The following PKHD1 variants were observed in gnomAD, a reference collection of about 807,000 sequenced individuals.
PKHD1 encodes PKHD1 ciliary IPT domain containing fibrocystin/polyductin, also known as fibrocystin.
In PKHD1, 291 loss-of-function variants were observed where a neutral mutation model predicts 412.0. That is an observed-to-expected ratio of 0.71 (90% CI 0.64 to 0.78). The LOEUF (loss-of-function observed/expected upper bound fraction) is 0.78, where lower values mean the gene tolerates loss of function less well. Among genes scored for constraint, PKHD1 ranks in the 30% least tolerant of loss-of-function variants. PKHD1 has a pLI of 0.00. For missense variants in PKHD1, 4,825 were observed against 4,950.7 expected (o/e 0.97, Z 0.76); for synonymous variants, 1,777 against 1,821.5 (o/e 0.98, Z 0.62).
At chr6:51,896,444 G>A (rs1191510975) in intron 43 of PKHD1, among the ~76,000 whole-genome samples, 1 of 152,154 alleles carries the variant, frequency 6.6e-6, no homozygotes, top group Non-Finnish European at 1.5e-5. Flanking sequence ...CAGACCTGCA[G>A]CTGAGGGTCC....
At position 51,659,505 on chromosome 6, in the gene PKHD1, T is replaced by A; in HGVS notation, c.10621A>T (p.Asn3541Tyr). The change falls in exon 61 of 67, where the codon AAC becomes TAC. Residue 3541 changes from asparagine (N) to tyrosine (Y), a missense_variant. Asn to Tyr is a moderately radical substitution (Grantham distance 143, BLOSUM62 -2). Coordinates refer to ENST00000371117, the MANE Select transcript of PKHD1 (RefSeq NM_138694.4). Reference sequence around the variant, plus strand: ...CCTTGTAGGACAACATACAAGAGGTTATCCATGATGTTGAAATAGTTGGCA... The same window carrying A: ...CCTTGTAGGACAACATACAAGAGGTAATCCATGATGTTGAAATAGTTGGCA... ...IGANYFNIMD[N>Y]LLYVVLQGEE... 1 of 1,613,624 alleles carries A rather than the reference T, an allele frequency of 6.2e-7. No individual in the cohort carries two copies. Among genetic ancestry groups the A allele is most frequent in the Non-Finnish European group, 8.5e-7 (1 of 1,179,750 alleles).
intron 27 of PKHD1, among the ~76,000 whole-genome samples, chr6:52,041,734 C>T (rs1804918405): frequency 6.6e-6 from 1 of 152,236 alleles, no homozygotes; most frequent in Non-Finnish European, 1.5e-5. Context: ...GATAGGGTAA[C>T]CAACTCACTC....
At chr6:51,650,738 GC>G (rs1770815322) in intron 61 of PKHD1, among the ~76,000 whole-genome samples, 1 of 152,070 alleles carries the variant, frequency 6.6e-6, no homozygotes, top group African/African-American at 2.4e-5. Flanking sequence ...GTCCTAAGAA[GC>G]TCTTTAGTCA....
At chr6:51,840,668 C>A (rs917797292) in intron 50 of PKHD1, among the ~76,000 whole-genome samples, 3 of 152,148 alleles carry the variant, frequency 2.0e-5, no homozygotes, top group East Asian at 3.8e-4. Flanking sequence ...GGCAAAAAAA[C>A]ACAAATGTAA....
At chr6:51,951,358 A>G (rs1790342881) in intron 36 of PKHD1, among the ~76,000 whole-genome samples, 2 of 152,156 alleles carry the variant, frequency 1.3e-5, no homozygotes, top group South Asian at 4.1e-4. Flanking sequence ...CTTTTTCCCG[A>G]GGTCTGTACC....
At position 51,903,581 on chromosome 6, in the gene PKHD1, G is replaced by C. The variant is rs757920652; in HGVS notation, c.6996+16C>G. On this transcript the variant is annotated intron_variant, in intron 43 of 66. Transcript: ENST00000371117. Reference sequence around the variant, plus strand: ...CCTCTCAGTTCTGGTCTTCCTGGTAGAGCTGAACATCTTACCTCTATAACA... The same window carrying C: ...CCTCTCAGTTCTGGTCTTCCTGGTACAGCTGAACATCTTACCTCTATAACA... 2 of 1,607,208 alleles carry C rather than the reference G, an allele frequency of 1.2e-6. No homozygotes were observed. Among genetic ancestry groups the C allele is most frequent in the Admixed American group, 1.7e-5 (1 of 59,874 alleles).
intron 36 of PKHD1, among the ~76,000 whole-genome samples, chr6:51,935,646 C>G (rs890475713): frequency 6.6e-5 from 10 of 152,156 alleles, no homozygotes; most frequent in Admixed American, 5.2e-4. Flanking sequence ...AAAGGTCCCT[C>G]ATGATTTGCT....
At chr6:51,791,490 T>A in intron 52 of PKHD1, 117 bp from the exon 53 acceptor site, 1 of 865,808 alleles carries the variant, frequency 1.2e-6, no homozygotes, top group Non-Finnish European at 1.9e-6. Context: ...CCAGGACAGG[T>A]ATAGCAACTG....
chr6:52,057,694 C>T (rs1475274595), intron 16 of PKHD1, among the ~76,000 whole-genome samples: 1 of 152,264 alleles, frequency 6.6e-6, no homozygotes, highest in Non-Finnish European at 1.5e-5. Context: ...GGATTACATG[C>T]GTGAGCCACC....
intron 36 of PKHD1, among the ~76,000 whole-genome samples, chr6:51,947,358 C>T (rs1789624203): frequency 6.6e-6 from 1 of 152,174 alleles, no homozygotes; most frequent in Non-Finnish European, 1.5e-5. Context: ...ATATTCTATA[C>T]ATTGTATTGA....
chr6:52,021,439 T>A (rs974489981), intron 33 of PKHD1, among the ~76,000 whole-genome samples: 4 of 152,172 alleles, frequency 2.6e-5, no homozygotes, highest in Admixed American at 6.5e-5. Flanking sequence ...AAAGCTTTTT[T>A]AAAAAATGTA....
chr6:51,659,045 A>T lies in PKHD1; in HGVS notation c.11081T>A (p.Ile3694Asn). 1 of 1,613,054 alleles carries T rather than the reference A, an allele frequency of 6.2e-7. No individual in the cohort carries two copies. Among genetic ancestry groups the T allele is most frequent in the Non-Finnish European group, 8.5e-7 (1 of 1,179,108 alleles). ...TAGTACCCCAGTCTGTTGAGCAGTG[A>T]TGACTCGATGAGCCAAATTCTGTAA... ...NKLQNLAHRVITAQQTGVLEN... is the reference protein window; with the variant it reads ...NKLQNLAHRVNTAQQTGVLEN... The change falls in exon 61 of 67, where the codon ATC becomes AAC. Residue 3694 changes from isoleucine to asparagine, a missense_variant. Transcript: ENST00000371117.
intron 36 of PKHD1, among the ~76,000 whole-genome samples, chr6:51,935,393 CAAT>C (rs1413527384): frequency 2.0e-5 from 3 of 152,110 alleles, no homozygotes; most frequent in African/African-American, 7.2e-5. Flanking sequence ...AGAATTTTCT[CAAT>C]AATGTCAAAA....
rs1173393139 is a variant in PKHD1, at chr6:52,001,817, C to T, written c.5751+8492G>A. 2.0e-5 allele frequency among the ~76,000 whole-genome samples: 3 copies of T among 152,256 alleles called. No homozygotes were observed. The East Asian group carries it at 5.8e-4, about 29-fold the overall frequency. On this transcript the variant is annotated intron_variant, in intron 35 of 66. Coordinates refer to ENST00000371117, the MANE Select transcript of PKHD1 (RefSeq NM_138694.4). ...CAAATAATTGACAAAGCCTCTTTCA[C>T]ACGGCAAGTTCTGATTATGACAACA...
rs1057517394 is a variant in PKHD1, at chr6:52,043,632, GT to G, written c.2813del (p.Tyr938SerfsTer9). 7 of 1,607,016 alleles carry G rather than the reference GT, an allele frequency of 4.4e-6. No homozygotes were observed. The highest frequency in any genetic ancestry group is 6.0e-6 in the Non-Finnish European group (7 of 1,173,640). On this transcript the variant is annotated frameshift_variant, in exon 26 of 67. Coordinates refer to ENST00000371117, the MANE Select transcript of PKHD1 (RefSeq NM_138694.4). LOFTEE classifies it high-confidence loss of function. ...GSTPCVHSVW[Y>X]SIDGDINLMI... ...CCAAGTGACAAATCATACCAATGGA[GT>G]ACCACACAGAATGGACACAGGGAGT...
At position 52,035,478 on chromosome 6, in the gene PKHD1, TA is replaced by T. The variant is rs1447599882; in HGVS notation, c.3228+112del. ...TATAACTACTACAAGCATACTATCA[TA>T]ATGAGAAGTTTACATCAGTTCATTT... On this transcript the variant is annotated intron_variant, in intron 28 of 66. Transcript: ENST00000371117. 6 of 1,064,664 alleles carry T rather than the reference TA, an allele frequency of 5.6e-6. No individual in the cohort carries two copies. The African/African-American group carries it at 7.8e-5, about 14-fold the overall frequency. 66.0% of individuals were successfully genotyped at this position (1,064,664 alleles called of 1,614,324 possible). A position where few individuals can be genotyped will look rare whatever the true frequency, so the allele number is the denominator to read the frequency against.
At chr6:51,898,098 A>C (rs1780450333) in intron 43 of PKHD1, among the ~76,000 whole-genome samples, 3 of 151,536 alleles carry the variant, frequency 2.0e-5, no homozygotes, top group Admixed American at 2.0e-4. Context: ...AACATTAGAC[A>C]GATCAACGAG....
At chr6:52,060,551 A>C (rs975253637) in intron 14 of PKHD1, among the ~76,000 whole-genome samples, 21 of 152,202 alleles carry the variant, frequency 1.4e-4, no homozygotes, top group Non-Finnish European at 2.9e-5. Context: ...AACCCATCAA[A>C]TGCAACTTTG....
chr6:51,981,208 T>C (rs1795098280), intron 35 of PKHD1, among the ~76,000 whole-genome samples: 1 of 147,146 alleles, frequency 6.8e-6, no homozygotes, highest in South Asian at 2.2e-4. Flanking sequence ...CTACCTCTAC[T>C]CCGATTGCAC....
Sources: allele counts gnomAD v4.1 joint callset (sites outside exome capture counted in the v4.1 genomes callset), GRCh38; gene constraint gnomAD v4.1.1; transcripts MANE v1.5; gene names NCBI Gene and HGNC (gene_info 2026-07-23, HGNC 2026-07-21).